CTNNA2: variants seen among roughly 807,000 people sequenced by gnomAD.
The protein encoded by CTNNA2 is catenin alpha 2, also known as catenin alpha-2.
In CTNNA2, 42 loss-of-function variants were observed where a neutral mutation model predicts 101.0. The observed-to-expected ratio is 0.42, with a 90% CI of 0.32 to 0.54. The LOEUF is 0.54. Ranked by LOEUF, CTNNA2 falls within the 20% of genes least tolerant of loss-of-function variation. CTNNA2 has a pLI of 0.14. For missense variants in CTNNA2, 871 were observed against 1,223.1 expected (o/e 0.71, Z 4.29); for synonymous variants, 450 against 456.4 (o/e 0.99, Z 0.18).
At chr2:79,752,563 C>T (rs1357047439) in intron 3 of CTNNA2, among the ~76,000 whole-genome samples, 1 of 152,190 alleles carries the variant, frequency 6.6e-6, no homozygotes, top group Non-Finnish European at 1.5e-5. Context: ...GCTAACTAGA[C>T]TCTCTTTTGG....
At chr2:80,581,670 A>G (rs568016983) in intron 13 of CTNNA2, 36 bp from the exon 14 acceptor site, 22 of 1,333,244 alleles carry the variant, frequency 1.7e-5, no homozygotes, top group Admixed American at 5.1e-5. Context: ...AAGATTATCA[A>G]TTTAAGTATG....
chr2:79,652,605 G>A (rs946230957), intron 2 of CTNNA2, among the ~76,000 whole-genome samples: 3 of 151,728 alleles, frequency 2.0e-5, no homozygotes, highest in African/African-American at 4.8e-5. Context: ...GATTATGTTC[G>A]GTCCACCCAA....
intron 3 of CTNNA2, among the ~76,000 whole-genome samples, chr2:79,747,465 G>T (rs1045848969): frequency 2.0e-5 from 3 of 152,144 alleles, no homozygotes; most frequent in African/African-American, 7.2e-5. Flanking sequence ...ACTGAAGATA[G>T]CAAAGGTATT....
chr2:79,967,814 A>T (rs937143025), intron 7 of CTNNA2, among the ~76,000 whole-genome samples: 1 of 152,248 alleles, frequency 6.6e-6, no homozygotes, highest in African/African-American at 2.4e-5. Context: ...TGGTGGAATA[A>T]CCCAAATGGC....
chr2:79,762,475 A>G (rs1672859717), intron 3 of CTNNA2, among the ~76,000 whole-genome samples: 1 of 152,214 alleles, frequency 6.6e-6, no homozygotes, highest in Non-Finnish European at 1.5e-5. Flanking sequence ...ATCCTAGAAC[A>G]ACGAGTAGAT....
chr2:80,329,819 A>G (rs564099359), intron 7 of CTNNA2, among the ~76,000 whole-genome samples: 93 of 152,318 alleles, frequency 6.1e-4, no homozygotes, highest in African/African-American at 1.8e-3. Flanking sequence ...CCCTAGCCAC[A>G]AGCTTCGGTT....
chr2:80,228,510 G>T (rs184168683), intron 7 of CTNNA2, among the ~76,000 whole-genome samples: 1 of 152,148 alleles, frequency 6.6e-6, no homozygotes, highest in Non-Finnish European at 1.5e-5. Flanking sequence ...GATGATGGGG[G>T]TGAGCACAAA....
chr2:79,909,791 G>T lies in CTNNA2; in HGVS notation c.1050G>T (p.Met350Ile). 6.2e-7 allele frequency: 1 copy of T among 1,602,180 alleles called. No individual in the cohort carries two copies. Among genetic ancestry groups the T allele is most frequent in the South Asian group, 1.1e-5 (1 of 89,988 alleles). The part of the protein sequence containing the change: ...QALQDLLSEY[M>I]NNTGRKEKGD... ...TCCAGGACCTGCTCAGCGAGTACAT[G>T]AATAATGTAAGTCTTGGGATCTCCA... The change falls in exon 7 of 19, where the codon ATG (methionine) becomes ATT (isoleucine). Residue 350 changes from methionine (M) to isoleucine (I), a missense_variant. Physicochemically the swap from Met to Ile is conservative, Grantham distance 10. Around this residue, in one of 5 missense-constraint regions of CTNNA2, gnomAD observed 647 missense variants for 831.5 expected, o/e 0.78. Coordinates refer to ENST00000402739, the MANE Select transcript of CTNNA2 (RefSeq NM_001282597.3).
chr2:80,323,416 G>A (rs2149249923), intron 7 of CTNNA2, among the ~76,000 whole-genome samples: 1 of 151,682 alleles, frequency 6.6e-6, no homozygotes, highest in Non-Finnish European at 1.5e-5. Context: ...CTCCTTGCTT[G>A]CCTGCTGTCT....
intron 7 of CTNNA2, among the ~76,000 whole-genome samples, chr2:80,206,236 G>T (rs1471746773): frequency 1.3e-5 from 2 of 152,194 alleles, no homozygotes; most frequent in Non-Finnish European, 2.9e-5. Flanking sequence ...CTTTAGAATA[G>T]AATGTGTATT....
chr2:80,051,233 A>G (rs537447672), intron 7 of CTNNA2, among the ~76,000 whole-genome samples: 1 of 152,192 alleles, frequency 6.6e-6, no homozygotes, highest in African/African-American at 2.4e-5. Flanking sequence ...GAACGTCTCT[A>G]TTTTGAGGTT....
chr2:79,259,183 T>G (rs539663848), intron 2 of CTNNA2, among the ~76,000 whole-genome samples: 1 of 152,288 alleles, frequency 6.6e-6, no homozygotes, highest in Admixed American at 6.5e-5. Context: ...TAATTAAAAC[T>G]AATGAATTGA....
chr2:79,433,959 T>C (rs1237067493), intron 4 of CTNNA2, among the ~76,000 whole-genome samples: 1 of 152,142 alleles, frequency 6.6e-6, no homozygotes, highest in Admixed American at 6.6e-5. Context: ...ATATTTTTCA[T>C]TAAGCCAGTG....
intron 7 of CTNNA2, among the ~76,000 whole-genome samples, chr2:80,156,938 A>G (rs1268073230): frequency 2.6e-5 from 4 of 152,174 alleles, no homozygotes; most frequent in Non-Finnish European, 4.4e-5. Flanking sequence ...CTTATCCAAA[A>G]TGAAGAACTC....
chr2:79,594,551 C>A (rs1279160218), intron 1 of CTNNA2, among the ~76,000 whole-genome samples: 1 of 152,242 alleles, frequency 6.6e-6, no homozygotes, highest in East Asian at 1.9e-4. Flanking sequence ...GTCATTACTG[C>A]CTATTTTATT....
At chr2:80,309,199 G>A (rs546281734) in intron 7 of CTNNA2, among the ~76,000 whole-genome samples, 1 of 152,334 alleles carries the variant, frequency 6.6e-6, no homozygotes, top group Admixed American at 6.5e-5. Context: ...TACTGGTGTA[G>A]AGAACATACT....
intron 4 of CTNNA2, among the ~76,000 whole-genome samples, chr2:79,437,358 CCTT>C (rs1678728396): frequency 6.6e-6 from 1 of 152,170 alleles, no homozygotes; most frequent in African/African-American, 2.4e-5. Context: ...AATTCAGATT[CCTT>C]CTGAGCCAGC....
At chr2:79,510,326 C>T (rs1333436893), upstream of CTNNA2, among the ~76,000 whole-genome samples, 2 of 152,120 alleles carry the variant, frequency 1.3e-5, no homozygotes, top group Admixed American at 6.5e-5. Flanking sequence ...CAATCAGATT[C>T]ACAAGCAGAC....
chr2:79,784,980 T>C (rs1186719719), intron 3 of CTNNA2, among the ~76,000 whole-genome samples: 1 of 152,174 alleles, frequency 6.6e-6, no homozygotes, highest in Non-Finnish European at 1.5e-5. Flanking sequence ...AATTAAGCTA[T>C]ATATTGATGA....
Sources: allele counts gnomAD v4.1 joint callset (sites outside exome capture counted in the v4.1 genomes callset), GRCh38; gene constraint gnomAD v4.1.1; regional missense constraint gnomAD v4.1.1; transcripts MANE v1.5; gene names NCBI Gene and HGNC (gene_info 2026-07-23, HGNC 2026-07-21).